MECOM: variants seen among roughly 807,000 people sequenced by gnomAD.
MECOM encodes MDS1 and EVI1 complex locus.
Under a neutral mutation model 116.3 loss-of-function variants are expected in MECOM, and 13 were observed. The observed-to-expected ratio is 0.11, with a 90% CI of 0.07 to 0.18. The LOEUF (loss-of-function observed/expected upper bound fraction) is 0.18, where lower values mean the gene tolerates loss of function less well. Ranked by LOEUF, MECOM falls within the 10% of genes least tolerant of loss-of-function variation. The pLI is 1.00. For synonymous variants in MECOM, 528 were observed against 535.2 expected (o/e 0.99, Z 0.19); for missense variants, 1,299 against 1,509.0 (o/e 0.86, Z 2.31).
intron 12 of MECOM, 64 bp downstream of exon 12, chr3:169,100,821 T>A: frequency 2.2e-6 from 2 of 908,760 alleles, no homozygotes; most frequent in East Asian, 3.8e-5. Flanking sequence ...ATTATTTTAT[T>A]ATTAAAATAA....
intron 1 of MECOM, among the ~76,000 whole-genome samples, chr3:169,567,746 T>C (rs769030093): frequency 6.6e-6 from 1 of 152,208 alleles, no homozygotes; most frequent in Non-Finnish European, 1.5e-5. Context: ...TCTTGTTTTC[T>C]AAAGTTGTTA....
chr3:169,619,543 A>G (rs1770449753), intron 1 of MECOM, among the ~76,000 whole-genome samples: 1 of 151,990 alleles, frequency 6.6e-6, no homozygotes, highest in African/African-American at 2.4e-5. Flanking sequence ...GGCCCCAGGT[A>G]TCCAGTGATT....
chr3:169,613,962 C>G (rs1260434027), intron 1 of MECOM: 1 of 152,098 alleles, frequency 6.6e-6, no homozygotes, highest in Admixed American at 6.5e-5. Flanking sequence ...TCTTTTAGAT[C>G]TAATGTTTTT....
intron 2 of MECOM, among the ~76,000 whole-genome samples, chr3:169,177,546 T>A (rs1479818776): frequency 6.6e-6 from 1 of 152,032 alleles, no homozygotes; most frequent in African/African-American, 2.4e-5. Flanking sequence ...CATATACCTA[T>A]GTAACAAACC....
chr3:169,559,044 G>GTGCA (rs779161059), intron 1 of MECOM, among the ~76,000 whole-genome samples: 2,353 of 137,922 alleles, frequency 0.017, 27 homozygotes, highest in African/African-American at 0.041. Flanking sequence ...ACACACACAC[G>GTGCA]CGCACACACA....
intron 2 of MECOM, among the ~76,000 whole-genome samples, chr3:169,187,718 T>C (rs1746966458): frequency 6.6e-6 from 1 of 152,102 alleles, no homozygotes; most frequent in South Asian, 2.1e-4. Context: ...GAAAATGAAA[T>C]GGAACAAGAG....
At position 169,416,391 on chromosome 3, in the gene MECOM, T is replaced by C. The variant is rs1738597764; in HGVS notation, c.38-34867A>G. 2.0e-5 allele frequency among the ~76,000 whole-genome samples: 3 copies of C among 152,218 alleles called. No homozygotes were observed. In the South Asian group the frequency reaches 6.2e-4, roughly 32 times the overall value. On this transcript the variant is annotated intron_variant, in intron 1 of 16. Coordinates refer to ENST00000651503, the MANE Select transcript of MECOM (RefSeq NM_004991.4). Reference sequence around the variant, plus strand: ...AGCTAAAGCAGAATTTAAAGGGAAATGTATAGCACTAAATGCCCACAGGAG... The same window carrying C: ...AGCTAAAGCAGAATTTAAAGGGAAACGTATAGCACTAAATGCCCACAGGAG...
chr3:169,282,162 G>T (rs1318788300), intron 2 of MECOM, among the ~76,000 whole-genome samples: 7 of 152,134 alleles, frequency 4.6e-5, no homozygotes, highest in Non-Finnish European at 8.8e-5. Context: ...CCTGGGGGAG[G>T]ATATAGAATT....
chr3:169,650,153 T>G (rs1774704916), intron 1 of MECOM, among the ~76,000 whole-genome samples: 1 of 152,272 alleles, frequency 6.6e-6, no homozygotes, highest in Admixed American at 6.5e-5. Context: ...CTGTCATATT[T>G]TTTATGCTAT....
chr3:169,097,261 T>C (rs1316462240), intron 12 of MECOM, among the ~76,000 whole-genome samples: 1 of 152,130 alleles, frequency 6.6e-6, no homozygotes, highest in Non-Finnish European at 1.5e-5. Context: ...GTAAGCACCA[T>C]CTTCTCAAAT....
In MECOM at chr3:169,446,632, T is replaced by A. The variant is rs549476394; in HGVS notation, c.38-65108A>T. Among the ~76,000 whole-genome samples the A allele has an allele frequency of 2.0e-4, 31 of 152,318 alleles. 1 individual carries two copies. Among genetic ancestry groups the A allele is most frequent in the Non-Finnish European group, 1.0e-4 (7 of 68,024 alleles). ...CTCCCTTTCCTGATAATTAAGTGGG[T>A]AGTAGTTATGTGTGTTGTGCGTTAT... On this transcript the variant is annotated intron_variant, in intron 1 of 16. Coordinates refer to ENST00000651503, the MANE Select transcript of MECOM (RefSeq NM_004991.4).
intron 1 of MECOM, chr3:169,477,096 TG>T (rs1750534708): frequency 2.0e-5 from 1 of 50,602 alleles, no homozygotes. Flanking sequence ...TGTGTGTGTG[TG>T]TGTGTGTGTA....
chr3:169,367,671 A>T (rs1189181988), intron 2 of MECOM, among the ~76,000 whole-genome samples: 3 of 152,018 alleles, frequency 2.0e-5, no homozygotes, highest in South Asian at 4.1e-4. Flanking sequence ...TATTTTCTGT[A>T]TCTTCAGCAG....
chr3:169,592,060 A>G (rs1439810747), intron 1 of MECOM, among the ~76,000 whole-genome samples: 1 of 152,176 alleles, frequency 6.6e-6, no homozygotes, highest in Non-Finnish European at 1.5e-5. Context: ...TGTGACTCAG[A>G]GATTTTGTTC....
intron 1 of MECOM, among the ~76,000 whole-genome samples, chr3:169,418,120 C>A (rs1388682537): frequency 6.9e-6 from 1 of 144,000 alleles, no homozygotes. Flanking sequence ...TAAAAAAAAA[C>A]TAAACAAAAA....
At chr3:169,483,618 G>A in intron 1 of MECOM, 1 of 1,253,650 alleles carries the variant, frequency 8.0e-7, no homozygotes, top group Non-Finnish European at 1.1e-6. Flanking sequence ...CCACCATTTT[G>A]GTTCCCAAGT....
intron 1 of MECOM, among the ~76,000 whole-genome samples, chr3:169,436,983 A>G (rs1742767796): frequency 6.6e-6 from 1 of 152,190 alleles, no homozygotes; most frequent in African/African-American, 2.4e-5. Context: ...AATAAAAGAG[A>G]AAAAATTATG....
chr3:169,149,950 TGTG>T (rs1740913405), intron 2 of MECOM, among the ~76,000 whole-genome samples: 1 of 149,252 alleles, frequency 6.7e-6, no homozygotes, highest in Non-Finnish European at 1.5e-5. Flanking sequence ...TGTGTGTGTG[TGTG>T]TGTGTGTGTG....
At chr3:169,188,103 T>A (rs1747010018) in intron 2 of MECOM, among the ~76,000 whole-genome samples, 1 of 151,910 alleles carries the variant, frequency 6.6e-6, no homozygotes, top group African/African-American at 2.4e-5. Flanking sequence ...GTGATCCGAA[T>A]AAAAAAAATT....
Sources: gnomAD v4.1 joint callset for allele counts (sites outside exome capture counted in the v4.1 genomes callset) on GRCh38, gnomAD v4.1.1 for gene constraint, MANE v1.5 for transcripts, NCBI Gene and HGNC (gene_info 2026-07-23, HGNC 2026-07-21) for gene names.